Variants in PSCA observed in about 807,000 individuals in gnomAD.
PSCA encodes the protein prostate stem cell antigen.
In PSCA, 7 loss-of-function variants were observed where a neutral mutation model predicts 7.9. The observed-to-expected ratio is 0.89, with a 90% CI of 0.51 to 1.67. The LOEUF is 1.67. Ranked by LOEUF, PSCA falls within the 40% of genes most tolerant of loss-of-function variation. The pLI, the probability that PSCA is intolerant of heterozygous loss-of-function variation, is 0.00. For synonymous variants in PSCA, 61 were observed against 68.3 expected, an observed-to-expected ratio of 0.89 and a Z score of 0.53; for missense variants, 151 against 147.9, an observed-to-expected ratio of 1.02 and a Z score of -0.11.
chr8:142,670,740 T>A (rs1202098567), intron 1 of PSCA, among the ~76,000 whole-genome samples: 1 of 152,166 alleles, frequency 6.6e-6, no homozygotes, highest in Non-Finnish European at 1.5e-5. Context: ...TTCCAGGTCT[T>A]GTGAATACAT....
intron 1 of PSCA, 123 bp downstream of exon 1, chr8:142,680,686 G>A: frequency 7.5e-7 from 1 of 1,335,816 alleles, no homozygotes; most frequent in Non-Finnish European, 1.0e-6. Flanking sequence ...AAGGGGGTGA[G>A]GCTCTTGCCC....
rs1554638462 is a variant in PSCA, at chr8:142,682,132, G to T, written c.345G>T (p.Ter115TyrextTer34). 1.3e-6 allele frequency: 2 copies of T among 1,597,208 alleles called. No individual in the cohort carries two copies. The highest frequency in any genetic ancestry group is 1.7e-6 in the Non-Finnish European group (2 of 1,178,290). Residue 115 changes from the stop codon to tyrosine, a stop_lost, in exon 3 of 3, where the codon TAG becomes TAT. Transcript: ENST00000301258. ...GLLLWGPGQL[*>Y] The stretch of plus-strand genomic sequence containing the variant: ...TGCTCTGGGGACCCGGCCAGCTCTA[G>T]GCTCTGGGGGGCCCCGCTGCAGCCC...
upstream of PSCA, chr8:142,680,440 A>G: frequency 7.0e-7 from 1 of 1,425,426 alleles, no homozygotes; most frequent in Non-Finnish European, 9.7e-7. Context: ...GACTGTGGGC[A>G]GTCCAGCCTC....
upstream of PSCA, among the ~76,000 whole-genome samples, chr8:142,677,392 C>T (rs1847411773): frequency 6.6e-6 from 1 of 152,224 alleles, no homozygotes; most frequent in Non-Finnish European, 1.5e-5. Context: ...CTGGAATAAG[C>T]AGAGATGCCT....
rs1563805694 is a variant in PSCA, at chr8:142,681,916, C to G, written c.134-5C>G. 6.6e-7 allele frequency: 1 copy of G among 1,525,504 alleles called. No homozygotes were observed. The highest frequency in any genetic ancestry group is 8.8e-7 in the Non-Finnish European group (1 of 1,130,770). The allele number at this position is 1,525,504 out of a possible 1,614,324, so 94.5% of individuals were successfully genotyped here. ...GCCCCATCCCCGGATCCCGCTGCTCCCCAGGCGCAGTTGGCCTCCTGACCG... is the reference window on the plus strand; with the variant it reads ...GCCCCATCCCCGGATCCCGCTGCTCGCCAGGCGCAGTTGGCCTCCTGACCG... On this transcript the variant is annotated splice_polypyrimidine_tract_variant and splice_region_variant and intron_variant, in intron 2 of 2. Transcript: ENST00000301258.
intron 1 of PSCA, chr8:142,681,012 A>G (rs2294010): frequency 0.45 from 201,314 of 444,122 alleles, 46,790 homozygotes; most frequent in Admixed American, 0.52. Context: ...TGCAGCTTCC[A>G]AGGGTCCCAG....
At chr8:142,674,237 TC>T (rs1847369850) in intron 1 of PSCA, among the ~76,000 whole-genome samples, 4 of 149,046 alleles carry the variant, frequency 2.7e-5, no homozygotes, top group Admixed American at 6.6e-5. Context: ...GGGAATCGTT[TC>T]AGTCTAACCT....
chr8:142,675,420 G>A (rs1847387909), intron 1 of PSCA, among the ~76,000 whole-genome samples: 1 of 152,222 alleles, frequency 6.6e-6, no homozygotes, highest in Non-Finnish European at 1.5e-5. Context: ...CAGGGCCCTG[G>A]GGGAGTTAGA....
Position 142,682,332 on chromosome 8 carries a change from G to A in PSCA, c.*200G>A, listed in dbSNP as rs2976395. On this transcript the variant is annotated 3_prime_UTR_variant, in exon 3 of 3. Coordinates refer to ENST00000301258, the MANE Select transcript of PSCA (RefSeq NM_005672.5). ...CTCCAGGACTCCCACCCGGCAGATCGGCTCTATTGACACAGATCCGCCTGC... is the reference window on the plus strand; with the variant it reads ...CTCCAGGACTCCCACCCGGCAGATCAGCTCTATTGACACAGATCCGCCTGC... The A allele has an allele frequency of 0.46, 332,073 of 727,304 alleles. 77,398 individuals are homozygous for A. Among genetic ancestry groups the A allele is most frequent in the Admixed American group, 0.54 (26,970 of 49,942 alleles). 45.1% of individuals were successfully genotyped at this position (727,304 alleles called of 1,614,324 possible).
chr8:142,679,630 G>T (rs587695135), upstream of PSCA, among the ~76,000 whole-genome samples: 4 of 152,220 alleles, frequency 2.6e-5, no homozygotes, highest in Admixed American at 2.6e-4. Flanking sequence ...TGGGCAGCTG[G>T]AACTGGGGGC....
At chr8:142,677,639 G>A (rs981300513), upstream of PSCA, among the ~76,000 whole-genome samples, 11 of 152,248 alleles carry the variant, frequency 7.2e-5, no homozygotes, top group East Asian at 1.2e-3. Context: ...GATGGGACAG[G>A]GGCTGTCAGC....
upstream of PSCA, among the ~76,000 whole-genome samples, chr8:142,679,634 T>TG (rs1449378503): frequency 6.6e-6 from 1 of 152,192 alleles, no homozygotes; most frequent in Non-Finnish European, 1.5e-5. Flanking sequence ...CAGCTGGAAC[T>TG]GGGGGCTTCC....
intron 1 of PSCA, chr8:142,670,717 T>A (rs1847307394): frequency 6.6e-6 from 1 of 152,164 alleles, no homozygotes; most frequent in Non-Finnish European, 1.5e-5. Context: ...TCCAAGGATG[T>A]CCACATCCTA....
intron 1 of PSCA, among the ~76,000 whole-genome samples, chr8:142,670,893 G>C (rs1297678297): frequency 3.9e-5 from 6 of 152,326 alleles, no homozygotes; most frequent in Admixed American, 3.3e-4. Context: ...TCTCAAGGAT[G>C]CTAAAATCCT....
chr8:142,670,720 A>G (rs1554637289), intron 1 of PSCA, among the ~76,000 whole-genome samples: 1 of 152,180 alleles, frequency 6.6e-6, no homozygotes, highest in East Asian at 1.9e-4. Context: ...AAGGATGTCC[A>G]CATCCTAACT....
At chr8:142,678,914 C>G (rs188464021), upstream of PSCA, among the ~76,000 whole-genome samples, 1,208 of 151,882 alleles carry the variant, frequency 8.0e-3, 19 homozygotes, top group African/African-American at 0.027. Flanking sequence ...GGCATGAGAG[C>G]CTGGGCCTGC....
intron 1 of PSCA, 79 bp from the exon 2 acceptor site, chr8:142,681,248 G>A: frequency 1.8e-6 from 2 of 1,119,092 alleles, no homozygotes; most frequent in Admixed American, 2.1e-5. Flanking sequence ...CCGCCATGGA[G>A]GCCCACCTGC....
chr8:142,678,290 T>G (rs1200083204), upstream of PSCA, among the ~76,000 whole-genome samples: 1 of 151,970 alleles, frequency 6.6e-6, no homozygotes, highest in African/African-American at 2.4e-5. Flanking sequence ...CGAGAGAGCG[T>G]CAGGGGAGAA....
upstream of PSCA, among the ~76,000 whole-genome samples, chr8:142,679,254 T>G (rs1422552021): frequency 2.0e-5 from 3 of 152,352 alleles, no homozygotes; most frequent in East Asian, 5.8e-4. Flanking sequence ...TGCTAAAAGC[T>G]GCACTTCCCC....
Sources: allele counts gnomAD v4.1 joint callset (sites outside exome capture counted in the v4.1 genomes callset), GRCh38; gene constraint gnomAD v4.1.1; transcripts MANE v1.5; gene names NCBI Gene and HGNC (gene_info 2026-07-23, HGNC 2026-07-21).